Variants in RAB11FIP4 observed in about 807,000 individuals in gnomAD.
RAB11FIP4 encodes the protein rab11 family-interacting protein 4.
Under a neutral mutation model 74.3 loss-of-function variants are expected in RAB11FIP4, and 23 were observed. The observed-to-expected ratio is 0.31, with a 90% CI of 0.22 to 0.44. RAB11FIP4 has a LOEUF of 0.44. RAB11FIP4 is among the 20% of genes least tolerant of loss of function. The pLI is 1.00. For missense variants in RAB11FIP4, 630 were observed against 863.9 expected (o/e 0.73, Z 3.39); for synonymous variants, 360 against 359.9 (o/e 1.00, Z 0.00).
intron 2 of RAB11FIP4, among the ~76,000 whole-genome samples, chr17:31,432,227 T>C (rs1300175693): frequency 1.3e-5 from 2 of 152,106 alleles, no homozygotes; most frequent in African/African-American, 2.4e-5. Context: ...GTGAGTCTCC[T>C]GGGATGTGGG....
chr17:31,467,843 T>G (rs2071700296), intron 3 of RAB11FIP4, among the ~76,000 whole-genome samples: 1 of 152,164 alleles, frequency 6.6e-6, no homozygotes, highest in South Asian at 2.1e-4. Flanking sequence ...TGGGGCCCAT[T>G]CTAATTAAGG....
At chr17:31,521,829 C>G (rs1464996969) in intron 5 of RAB11FIP4, 86 bp from the exon 6 acceptor site, 6 of 1,529,980 alleles carry the variant, frequency 3.9e-6, no homozygotes, top group Non-Finnish European at 5.4e-6. Context: ...GTACTGGGGA[C>G]TCAAGTAAAG....
At chr17:31,478,181 CG>C (rs1567669272) in intron 3 of RAB11FIP4, among the ~76,000 whole-genome samples, 1 of 151,842 alleles carries the variant, frequency 6.6e-6, no homozygotes, top group Non-Finnish European at 1.5e-5. Flanking sequence ...TTAGTAGAGA[CG>C]GGGTTTCACT....
intron 4 of RAB11FIP4, chr17:31,520,777 G>A (rs9904437): frequency 0.74 from 112,106 of 152,358 alleles, 41,558 homozygotes; most frequent in African/African-American, 0.82. Context: ...AAGTGCTGGG[G>A]TTACAGGCGT....
At chr17:31,525,340 C>A in intron 10 of RAB11FIP4, 110 bp downstream of exon 10, 1 of 1,158,350 alleles carries the variant, frequency 8.6e-7, no homozygotes, top group Non-Finnish European at 1.2e-6. Context: ...GGCTGAGGGG[C>A]AGCCTCTTGA....
intron 1 of RAB11FIP4, among the ~76,000 whole-genome samples, chr17:31,428,275 G>T (rs575835587): frequency 6.6e-6 from 1 of 152,316 alleles, no homozygotes; most frequent in South Asian, 2.1e-4. Context: ...GCCACGCTGT[G>T]GGCATGCAAG....
chr17:31,477,574 G>C (rs2071806381), intron 3 of RAB11FIP4, among the ~76,000 whole-genome samples: 1 of 152,248 alleles, frequency 6.6e-6, no homozygotes. Flanking sequence ...CCACAGCAAG[G>C]CTGCACCTTG....
chr17:31,501,124 C>A (rs1467961677), intron 3 of RAB11FIP4, among the ~76,000 whole-genome samples: 2 of 151,146 alleles, frequency 1.3e-5, no homozygotes, highest in African/African-American at 4.9e-5. Flanking sequence ...TTGATTTCAA[C>A]AAAATATCAT....
At chr17:31,518,854 G>A (rs1215108981) in intron 4 of RAB11FIP4, 1 of 152,412 alleles carries the variant, frequency 6.6e-6, no homozygotes, top group African/African-American at 2.4e-5. Context: ...TTGTTGTTGA[G>A]ACAGACTCTC....
chr17:31,416,551 C>T (rs567337255), intron 1 of RAB11FIP4, among the ~76,000 whole-genome samples: 26 of 152,302 alleles, frequency 1.7e-4, no homozygotes, highest in African/African-American at 5.1e-4. Flanking sequence ...CTGGGGGTGG[C>T]GGCTCCAGAA....
chr17:31,422,451 C>T (rs544149556), intron 1 of RAB11FIP4, among the ~76,000 whole-genome samples: 17 of 152,290 alleles, frequency 1.1e-4, no homozygotes, highest in African/African-American at 4.1e-4. Context: ...GTTGAAGTCT[C>T]CAACTATGAT....
At chr17:31,461,442 G>T (rs2071633193) in intron 3 of RAB11FIP4, among the ~76,000 whole-genome samples, 1 of 152,216 alleles carries the variant, frequency 6.6e-6, no homozygotes. Context: ...TTACCTTGAT[G>T]CAGGACTTCT....
chr17:31,521,195 C>A lies in RAB11FIP4; in HGVS notation c.593C>A (p.Thr198Asn). ...CTGGTCCACACTCCATCCATGACGA[C>A]CTCAGACCTTTCTACACACTCCACC... Reference protein sequence around the residue: ...KSLVHTPSMTTSDLSTHSTTS... With the variant: ...KSLVHTPSMTNSDLSTHSTTS... The change falls in exon 5 of 15, where the codon ACC becomes AAC. Residue 198 changes from threonine (T) to asparagine (N), a missense_variant. Coordinates refer to ENST00000621161, the MANE Select transcript of RAB11FIP4 (RefSeq NM_032932.6). 1 of 1,610,584 alleles carries A rather than the reference C, an allele frequency of 6.2e-7. No homozygotes were observed. The highest frequency in any genetic ancestry group is 8.5e-7 in the Non-Finnish European group (1 of 1,177,846).
At chr17:31,492,817 C>T (rs958430870) in intron 3 of RAB11FIP4, among the ~76,000 whole-genome samples, 56 of 151,860 alleles carry the variant, frequency 3.7e-4, no homozygotes, top group Non-Finnish European at 3.5e-4. Context: ...AGAGGGGTCC[C>T]GAGCGTCTTG....
At chr17:31,522,514 G>T in intron 7 of RAB11FIP4, 119 bp downstream of exon 7, 1 of 1,003,974 alleles carries the variant, frequency 1.0e-6, no homozygotes, top group East Asian at 2.4e-5. Context: ...GTGAGCAGAG[G>T]GGAACGAGGC....
rs1197292584 is a variant in RAB11FIP4, at chr17:31,479,445, A to G, written c.337-38206A>G. Among the ~76,000 whole-genome samples, 3 of 152,214 alleles carry G rather than the reference A, an allele frequency of 2.0e-5. No individual in the cohort carries two copies. In the East Asian group the frequency reaches 5.8e-4, roughly 29 times the overall value. ...CTCAGTCCCATTCAGGGCCCTAACC[A>G]TTCCCCAGGTGATTACTGTGTGCCA... On this transcript the variant is annotated intron_variant, in intron 3 of 14. Transcript: ENST00000621161.
Position 31,528,842 on chromosome 17 carries a change from G to A in RAB11FIP4, c.1653+64G>A, listed in dbSNP as rs1023133541. The A allele has an allele frequency of 3.3e-6, 5 of 1,537,282 alleles. No homozygotes were observed. In the Admixed American group the frequency reaches 5.4e-5, roughly 17 times the overall value. Reference sequence around the variant, plus strand: ...GCCGGGCCCACCACGTGGGTTTCCTGTGCAGGATCTGTGGTAGGGGAGCCC... The same window carrying A: ...GCCGGGCCCACCACGTGGGTTTCCTATGCAGGATCTGTGGTAGGGGAGCCC... On this transcript the variant is annotated intron_variant, in intron 13 of 14. Coordinates refer to ENST00000621161, the MANE Select transcript of RAB11FIP4 (RefSeq NM_032932.6).
chr17:31,485,115 G>T (rs1315439760), intron 3 of RAB11FIP4, among the ~76,000 whole-genome samples: 1 of 152,186 alleles, frequency 6.6e-6, no homozygotes, highest in East Asian at 1.9e-4. Flanking sequence ...TCATTTCATT[G>T]AAACTTCACA....
chr17:31,404,514 T>C (rs374743620), intron 1 of RAB11FIP4, among the ~76,000 whole-genome samples: 1 of 152,248 alleles, frequency 6.6e-6, no homozygotes, highest in African/African-American at 2.4e-5. Flanking sequence ...ATCTGTATAG[T>C]GGGGATAATA....
Sources: allele counts gnomAD v4.1 joint callset (sites outside exome capture counted in the v4.1 genomes callset), GRCh38; gene constraint gnomAD v4.1.1; transcripts MANE v1.5; gene names NCBI Gene and HGNC (gene_info 2026-07-23, HGNC 2026-07-21).